Variants in GALNT13 observed in about 807,000 individuals in gnomAD.
GALNT13 encodes the protein UDP-GalNAc:polypeptide N-acetylgalactosaminyltransferase 13.
A neutral mutation model predicts 64.2 loss-of-function variants in GALNT13; 28 were observed. The observed-to-expected ratio is 0.44, with a 90% confidence interval of 0.32 to 0.60. The LOEUF is 0.60. GALNT13 is among the 20% of genes least tolerant of loss of function. GALNT13 has a pLI of 0.05. For missense variants in GALNT13, 577 were observed against 669.8 expected (o/e 0.86, Z 1.53); for synonymous variants, 214 against 224.6 (o/e 0.95, Z 0.42).
chr2:153,350,765 T>C, the GALNT13 span, among the ~76,000 whole-genome samples: 3 of 152,214 alleles, frequency 2.0e-5, no homozygotes, highest in South Asian at 2.1e-4. Context: ...ACAAAAATGG[T>C]GCAAGCCTCA....
rs545271320 is a variant in GALNT13 at position 154,001,049 on chromosome 2, A to C, written c.142+56410A>C. ...GCCTTTATTATTATATAATGGCTTA[A>C]GTTTGATATTGTTGTCATTCCTCTC... On this transcript the variant is annotated intron_variant, in intron 3 of 12. Transcript: ENST00000392825. 1.1e-4 allele frequency among the ~76,000 whole-genome samples: 17 copies of C among 152,042 alleles called. No individual in the cohort carries two copies. In the East Asian group the frequency reaches 3.3e-3, roughly 29 times the overall value.
intron 4 of GALNT13, among the ~76,000 whole-genome samples, chr2:154,188,958 G>C (rs1686413239): frequency 6.6e-6 from 1 of 152,068 alleles, no homozygotes; most frequent in African/African-American, 2.4e-5. Context: ...TTAATAACTA[G>C]TCTTGAATCA....
the GALNT13 span, among the ~76,000 whole-genome samples, chr2:153,734,051 A>G: frequency 6.6e-6 from 1 of 152,038 alleles, no homozygotes; most frequent in Non-Finnish European, 1.5e-5. Context: ...TTGGTGTTCT[A>G]TTTCATTGGT....
chr2:153,308,145 A>G, the GALNT13 span, among the ~76,000 whole-genome samples: 1 of 152,192 alleles, frequency 6.6e-6, no homozygotes, highest in Non-Finnish European at 1.5e-5. Context: ...ATACCTCTTT[A>G]TAACAGTGCT....
intron 7 of GALNT13, among the ~76,000 whole-genome samples, chr2:154,253,004 A>G (rs1176350578): frequency 6.6e-6 from 1 of 152,218 alleles, no homozygotes; most frequent in Non-Finnish European, 1.5e-5. Context: ...AAATGAAGCA[A>G]CTTATAATCT....
intron 3 of GALNT13, among the ~76,000 whole-genome samples, chr2:154,108,112 A>C (rs1179311049): frequency 6.6e-6 from 1 of 151,800 alleles, no homozygotes. Flanking sequence ...GGATAAATAC[A>C]CAGAAGTGGG....
At chr2:154,182,393 A>T (rs1212948916) in intron 4 of GALNT13, among the ~76,000 whole-genome samples, 1 of 152,098 alleles carries the variant, frequency 6.6e-6, no homozygotes, top group Non-Finnish European at 1.5e-5. Flanking sequence ...AATGTATTCT[A>T]AATATCATGA....
intron 4 of GALNT13, among the ~76,000 whole-genome samples, chr2:154,173,416 A>C (rs1685476241): frequency 6.6e-6 from 1 of 151,850 alleles, no homozygotes; most frequent in Admixed American, 6.6e-5. Context: ...TTAAAGACTT[A>C]AATCTAAGAC....
chr2:153,114,243 G>A, the GALNT13 span, among the ~76,000 whole-genome samples: 4 of 152,074 alleles, frequency 2.6e-5, no homozygotes, highest in Non-Finnish European at 5.9e-5. Flanking sequence ...CGTAAGTTTA[G>A]TTGGTCAGCT....
intron 9 of GALNT13, among the ~76,000 whole-genome samples, chr2:154,350,527 T>A (rs148357339): frequency 5.1e-4 from 78 of 152,316 alleles, no homozygotes; most frequent in Middle Eastern, 3.4e-3. Flanking sequence ...TCCCTACTTT[T>A]GAGGTTTGGG....
chr2:153,199,318 C>T, the GALNT13 span, among the ~76,000 whole-genome samples: 3 of 152,234 alleles, frequency 2.0e-5, no homozygotes, highest in Non-Finnish European at 4.4e-5. Context: ...AACATAGCCA[C>T]TTACCATTCA....
At chr2:153,373,474 T>C in the GALNT13 span, among the ~76,000 whole-genome samples, 3 of 152,194 alleles carry the variant, frequency 2.0e-5, no homozygotes, top group African/African-American at 7.2e-5. Context: ...CAGTTGTTTG[T>C]GTTGCTTCTG....
At chr2:153,996,073 T>C (rs1380057286) in intron 3 of GALNT13, among the ~76,000 whole-genome samples, 1 of 152,184 alleles carries the variant, frequency 6.6e-6, no homozygotes, top group Non-Finnish European at 1.5e-5. Flanking sequence ...ATCCATTCAT[T>C]GGTTGATGGA....
At chr2:153,358,159 T>A in the GALNT13 span, among the ~76,000 whole-genome samples, 1 of 152,220 alleles carries the variant, frequency 6.6e-6, no homozygotes, top group Non-Finnish European at 1.5e-5. Context: ...CATTTCATCA[T>A]ATCCCAAAAT....
intron 9 of GALNT13, among the ~76,000 whole-genome samples, chr2:154,372,977 C>G (rs1018006416): frequency 1.3e-5 from 2 of 152,126 alleles, no homozygotes; most frequent in African/African-American, 4.8e-5. Flanking sequence ...CAAAAGAATT[C>G]TTAGAACACT....
At chr2:153,860,380 C>A in the GALNT13 span, among the ~76,000 whole-genome samples, 1 of 152,170 alleles carries the variant, frequency 6.6e-6, no homozygotes, top group Non-Finnish European at 1.5e-5. Context: ...AAGCAAAGTT[C>A]AGAACAATCG....
chr2:154,222,416 T>A (rs892561820), intron 4 of GALNT13, among the ~76,000 whole-genome samples: 7 of 152,164 alleles, frequency 4.6e-5, no homozygotes, highest in Non-Finnish European at 1.0e-4. Flanking sequence ...GAGGCTTTTA[T>A]AAGAAAACTG....
At chr2:154,033,346 T>C (rs1329910487) in intron 3 of GALNT13, among the ~76,000 whole-genome samples, 2 of 152,014 alleles carry the variant, frequency 1.3e-5, no homozygotes, top group Non-Finnish European at 2.9e-5. Flanking sequence ...ATTTTTGCTC[T>C]TGAGAAGACA....
At chr2:153,494,988 T>G in the GALNT13 span, among the ~76,000 whole-genome samples, 1 of 152,130 alleles carries the variant, frequency 6.6e-6, no homozygotes, top group Admixed American at 6.5e-5. Context: ...AATATCTCAA[T>G]TGGGAAAATG....
Sources: allele counts gnomAD v4.1 joint callset (sites outside exome capture counted in the v4.1 genomes callset), GRCh38; gene constraint gnomAD v4.1.1; transcripts MANE v1.5; gene names NCBI Gene and HGNC (gene_info 2026-07-23, HGNC 2026-07-21).